The following CATSPERT variants were observed in gnomAD, a reference collection of about 807,000 sequenced individuals.
CATSPERT encodes catsper channel auxiliary subunit tau, also known as cation channel sperm-associated targeting subunit tau.
At chr2:201,617,507 G>C in the CATSPERT span, among the ~76,000 whole-genome samples, 1 of 152,178 alleles carries the variant, frequency 6.6e-6, no homozygotes, top group Admixed American at 6.5e-5. Context: ...CTCGCCATAC[G>C]TAGAAAGCTG....
chr2:201,488,135 C>G, the CATSPERT span, among the ~76,000 whole-genome samples: 1 of 152,182 alleles, frequency 6.6e-6, no homozygotes, highest in African/African-American at 2.4e-5. Flanking sequence ...GTGCTAGATA[C>G]TATGCTAGCA....
At chr2:201,491,544 T>A in the CATSPERT span, 6 of 1,536,846 alleles carry the variant, frequency 3.9e-6, no homozygotes, top group Non-Finnish European at 5.2e-6. Flanking sequence ...TTCCTTTCAA[T>A]GTCTGACAAT....
chr2:201,534,436 G>A, the CATSPERT span: 51 of 984,642 alleles, frequency 5.2e-5, no homozygotes, highest in Non-Finnish European at 6.0e-5. Flanking sequence ...CAGACTGAAT[G>A]TAATACATAC....
At chr2:201,507,922 AACTC>A in the CATSPERT span, among the ~76,000 whole-genome samples, 1 of 152,248 alleles carries the variant, frequency 6.6e-6, no homozygotes, top group East Asian at 1.9e-4. Context: ...ATCTTGTGAG[AACTC>A]ACTCACTGTC....
the CATSPERT span, chr2:201,565,833 G>T: frequency 6.2e-7 from 1 of 1,610,534 alleles, no homozygotes; most frequent in Non-Finnish European, 8.5e-7. Context: ...CTGGGGATAA[G>T]AATGCTGGAT....
At chr2:201,591,011 G>A in the CATSPERT span, among the ~76,000 whole-genome samples, 1 of 152,110 alleles carries the variant, frequency 6.6e-6, no homozygotes, top group Admixed American at 6.5e-5. Flanking sequence ...GTCAATTTAG[G>A]CTTTTGTTGC....
chr2:201,526,958 A>G, the CATSPERT span, among the ~76,000 whole-genome samples: 1 of 152,234 alleles, frequency 6.6e-6, no homozygotes, highest in Non-Finnish European at 1.5e-5. Context: ...AAGGAAGTGA[A>G]GAAGTCAAAC....
At chr2:201,593,848 C>G in the CATSPERT span, among the ~76,000 whole-genome samples, 105 of 144,764 alleles carry the variant, frequency 7.3e-4, no homozygotes, top group South Asian at 1.6e-3. Context: ...TTCCTCCATC[C>G]TTTTATTTTG....
At chr2:201,563,389 CGG>C in the CATSPERT span, among the ~76,000 whole-genome samples, 19 of 128,262 alleles carry the variant, frequency 1.5e-4, no homozygotes, top group Non-Finnish European at 2.9e-4. Context: ...ACCTCCCTCC[CGG>C]ACGGGGCGGC....
the CATSPERT span, among the ~76,000 whole-genome samples, chr2:201,581,267 G>A: frequency 1.3e-5 from 2 of 150,860 alleles, no homozygotes; most frequent in Admixed American, 6.6e-5. Context: ...GCAGTCTGGT[G>A]CAGTGGCATG....
the CATSPERT span, among the ~76,000 whole-genome samples, chr2:201,502,414 A>G: frequency 2.6e-5 from 4 of 152,210 alleles, no homozygotes; most frequent in East Asian, 7.7e-4. Context: ...TCTACTAAAA[A>G]TACAAAAATT....
At chr2:201,585,150 G>A in the CATSPERT span, among the ~76,000 whole-genome samples, 1 of 151,740 alleles carries the variant, frequency 6.6e-6, no homozygotes, top group Non-Finnish European at 1.5e-5. Flanking sequence ...ACCAAACACC[G>A]CATGTTCTCA....
chr2:201,501,237 A>G, the CATSPERT span, among the ~76,000 whole-genome samples: 2 of 151,966 alleles, frequency 1.3e-5, no homozygotes, highest in Admixed American at 6.6e-5. Context: ...CGTCTCTACT[A>G]AAAATACAAA....
the CATSPERT span, among the ~76,000 whole-genome samples, chr2:201,572,899 C>T: frequency 2.0e-5 from 3 of 152,188 alleles, no homozygotes; most frequent in South Asian, 2.1e-4. Flanking sequence ...GTTAACACAG[C>T]GGTAGACTTG....
the CATSPERT span, among the ~76,000 whole-genome samples, chr2:201,503,911 C>T: frequency 6.6e-6 from 1 of 152,162 alleles, no homozygotes; most frequent in African/African-American, 2.4e-5. Context: ...TTTAGCCTCT[C>T]TACAAAGGTG....
the CATSPERT span, among the ~76,000 whole-genome samples, chr2:201,591,570 T>C: frequency 2.0e-5 from 3 of 152,150 alleles, no homozygotes; most frequent in East Asian, 5.8e-4. Context: ...GTAAATTACC[T>C]TGGGCAGTAT....
chr2:201,615,446 C>A, the CATSPERT span, among the ~76,000 whole-genome samples: 1 of 152,312 alleles, frequency 6.6e-6, no homozygotes, highest in African/African-American at 2.4e-5. Flanking sequence ...CAACCTCTTC[C>A]TGAATGACTA....
At chr2:201,493,368 A>G in the CATSPERT span, 1 of 1,536,874 alleles carries the variant, frequency 6.5e-7, no homozygotes, top group Non-Finnish European at 8.7e-7. Flanking sequence ...TGATGGGTAT[A>G]CTCTGCTCAG....
At chr2:201,569,428 G>C in the CATSPERT span, among the ~76,000 whole-genome samples, 1 of 152,166 alleles carries the variant, frequency 6.6e-6, no homozygotes, top group Non-Finnish European at 1.5e-5. Context: ...AGACTATTCT[G>C]ATTGCTTCTT....
Sources: allele counts gnomAD v4.1 joint callset (sites outside exome capture counted in the v4.1 genomes callset), GRCh38; gene constraint gnomAD v4.1.1; transcripts MANE v1.5; gene names NCBI Gene and HGNC (gene_info 2026-07-23, HGNC 2026-07-21).